GREP1: variants seen among roughly 807,000 people sequenced by gnomAD.
GREP1 encodes the protein glycine-rich extracellular protein 1.
intron 15 of GREP1, 113 bp from the exon 16 acceptor site, chr16:2,995,506 G>C (rs1490300256): frequency 5.0e-6 from 2 of 398,638 alleles, no homozygotes; most frequent in Admixed American, 8.8e-5. Context: ...CCAGTCTCAT[G>C]GGGGGCTGAG....
exon 18 of GREP1, chr16:2,995,904 C>G (rs1423212839): frequency 2.5e-6 from 1 of 398,210 alleles, no homozygotes; most frequent in Non-Finnish European, 4.4e-6. Flanking sequence ...GGCTGGAACC[C>G]AGCCAGGTGA....
chr16:2,996,626 TCAG>T (rs1298559217), intron 19 of GREP1, 44 bp from the exon 19 acceptor site: 4 of 398,882 alleles, frequency 1.0e-5, no homozygotes, highest in Non-Finnish European at 1.8e-5. Flanking sequence ...GGTCTGGGGA[TCAG>T]CAGCACTGGC....
At position 2,989,704 on chromosome 16, in the gene GREP1, GT is replaced by G. The variant is rs1270541785; in HGVS notation, c.130+153del. 6.6e-6 allele frequency among the ~76,000 whole-genome samples: 1 copy of G among 152,028 alleles called. No individual in the cohort carries two copies. Among genetic ancestry groups the G allele is most frequent in the Non-Finnish European group, 1.5e-5 (1 of 67,968 alleles). On this transcript the variant is annotated intron_variant, in intron 3 of 34. Transcript: ENST00000573315. This position sits in a 1 kb window ranked among gnomAD's most constrained non-coding sequence, Gnocchi z 4.2. ...TGGGGACAGAGCATAGCCCCAGAGTGTCCCCCAGGCACCCTGGCTGGGGAGA... is the reference window on the plus strand; with the variant it reads ...TGGGGACAGAGCATAGCCCCAGAGTGCCCCCAGGCACCCTGGCTGGGGAGA...
rs1238513277 is a variant in GREP1, at chr16:2,989,808, G to A, written c.131-166G>A. On this transcript the variant is annotated intron_variant, in intron 3 of 34. Transcript: ENST00000573315. The surrounding 1 kb of genome is among the most constrained non-coding windows in gnomAD (Gnocchi z 4.2). ...CAGAAAGGAAGGAGAGAGGGAAGGA[G>A]GGAGGGAAGGAGGCTGATAGCACCC... Among the ~76,000 whole-genome samples the A allele has an allele frequency of 1.3e-5, 2 of 151,740 alleles. No homozygotes were observed. Among genetic ancestry groups the A allele is most frequent in the East Asian group, 3.9e-4 (2 of 5,162 alleles).
exon 21 of GREP1, chr16:2,996,967 T>C (rs1057387313): frequency 7.8e-5 from 31 of 399,030 alleles, no homozygotes; most frequent in African/African-American, 6.4e-4. Context: ...CAAACGGCTA[T>C]GGACCAGGAA....
At chr16:2,990,406 T>C (rs1207500544) in intron 5 of GREP1, 146 bp from the exon 6 acceptor site, 1 of 399,022 alleles carries the variant, frequency 2.5e-6, no homozygotes, top group Non-Finnish European at 4.4e-6. Context: ...GGGGTATCCC[T>C]GGGATGGGGA....
intron 7 of GREP1, 99 bp downstream of exon 6, chr16:2,990,686 C>G (rs1396555450): frequency 2.5e-6 from 1 of 397,924 alleles, no homozygotes; most frequent in African/African-American, 2.1e-5. Flanking sequence ...ATCGGTGTTT[C>G]CAGGGTCTTC....
intron 31 of GREP1, chr16:3,000,485 A>T (rs779838204): frequency 5.8e-5 from 23 of 399,106 alleles, no homozygotes; most frequent in African/African-American, 1.0e-4. Flanking sequence ...GACCCAGGGG[A>T]CAAAGTGCAG....
chr16:2,990,625 T>TTGGGTAAGGAA (rs2072393844), intron 7 of GREP1, 38 bp downstream of exon 6: 1 of 398,880 alleles, frequency 2.5e-6, no homozygotes, highest in Admixed American at 4.4e-5. Flanking sequence ...TGGGAGGGGC[T>TTGGGTAAGGAA]TGGGGGTGCC....
At position 2,991,469 on chromosome 16, in the gene GREP1, G is replaced by C. The variant is rs540276986; in HGVS notation, c.322+368G>C. 4.9e-6 allele frequency: 1 copy of C among 205,602 alleles called. No homozygotes were observed. Among genetic ancestry groups the C allele is most frequent in the Admixed American group, 6.0e-5 (1 of 16,778 alleles). 12.7% of individuals were successfully genotyped at this position (205,602 alleles called of 1,614,324 possible). A position where few individuals can be genotyped will look rare whatever the true frequency, so the allele number is the denominator to read the frequency against. ...GTGGCTGGGCAGGGGCCGCAGGGAG[G>C]GGCGGGCAGGAGGGTTTAGGGTCCC... On this transcript the variant is annotated intron_variant, in intron 8 of 34. Coordinates refer to ENST00000573315, the Ensembl canonical transcript of GREP1. This position sits in a 1 kb window ranked among gnomAD's most constrained non-coding sequence, Gnocchi z 4.9.
intron 28 of GREP1, 43 bp from the exon 26 acceptor site, chr16:3,000,043 C>G: frequency 2.5e-6 from 1 of 399,034 alleles, no homozygotes; most frequent in East Asian, 3.6e-5. Context: ...GGCTGTGGCT[C>G]TCGCTGACCC....
At chr16:2,999,399 T>A (rs923052625) in intron 27 of GREP1, 10 of 332,772 alleles carry the variant, frequency 3.0e-5, no homozygotes, top group African/African-American at 1.5e-4. Context: ...CACCCCTCCA[T>A]CACCCTTTTT....
At chr16:2,990,562 C>G (rs1403658573) in exon 7 of GREP1, 1 of 399,352 alleles carries the variant, frequency 2.5e-6, no homozygotes, top group African/African-American at 2.1e-5. Flanking sequence ...GGTTCAGGAC[C>G]TTCGCAGGTG....
At chr16:2,997,329 C>T in intron 21 of GREP1, 1 of 398,628 alleles carries the variant, frequency 2.5e-6, no homozygotes, top group East Asian at 3.6e-5. Flanking sequence ...GATCCAAAGG[C>T]CCTTCGCCCT....
chr16:2,988,677 T>A (rs759574833), intron 2 of GREP1, 55 bp downstream of exon 2: 147 of 398,718 alleles, frequency 3.7e-4, no homozygotes, highest in Non-Finnish European at 5.8e-4. Context: ...TCTCCTGCCC[T>A]GGGGGTGTGG....
chr16:2,999,656 T>A (rs1243912753), intron 27 of GREP1, among the ~76,000 whole-genome samples: 2 of 152,148 alleles, frequency 1.3e-5, no homozygotes, highest in African/African-American at 4.8e-5. Context: ...TTTGTCACAT[T>A]GGACAGGCTG....
At chr16:2,997,287 G>T in intron 21 of GREP1, 1 of 398,650 alleles carries the variant, frequency 2.5e-6, no homozygotes, top group Non-Finnish European at 4.4e-6. Context: ...GTGGCGCCAG[G>T]ATCCCTGGTT....
intron 18 of GREP1, 61 bp from the exon 18 acceptor site, chr16:2,996,435 C>A (rs930133587): frequency 1.3e-5 from 5 of 398,744 alleles, no homozygotes; most frequent in Non-Finnish European, 2.2e-5. Flanking sequence ...TCTAGGGCTG[C>A]GTCCTCCTGA....
chr16:2,996,380 G>T (rs1223074955), intron 18 of GREP1, 116 bp from the exon 18 acceptor site: 1 of 397,966 alleles, frequency 2.5e-6, no homozygotes, highest in Non-Finnish European at 4.4e-6. Flanking sequence ...AGGCCTGGGA[G>T]GGGGAGCCAG....
Sources: gnomAD v4.1 joint callset for allele counts (sites outside exome capture counted in the v4.1 genomes callset) on GRCh38, gnomAD v4.1.1 for gene constraint, Gnocchi (gnomAD v3.1) non-coding constraint, MANE v1.5 for transcripts, NCBI Gene and HGNC (gene_info 2026-07-23, HGNC 2026-07-21) for gene names.